The following SLC9A8 variants were observed in gnomAD, a reference collection of about 807,000 sequenced individuals.
SLC9A8 encodes the protein sodium/hydrogen exchanger 8.
SLC9A8 carries 48 observed loss-of-function variants against 66.6 expected under a neutral mutation model. The ratio of observed to expected loss-of-function variants is 0.72; its 90% confidence interval spans 0.57 to 0.92. The LOEUF is 0.92. Ranked by LOEUF, SLC9A8 falls within the 40% of genes least tolerant of loss-of-function variation. The pLI is 0.00. For missense variants in SLC9A8, 599 were observed against 747.3 expected, an observed-to-expected ratio of 0.80 and a Z score of 2.31; for synonymous variants, 274 against 282.6, an observed-to-expected ratio of 0.97 and a Z score of 0.31.
intron 2 of SLC9A8, among the ~76,000 whole-genome samples, chr20:49,820,957 A>C (rs564469805): frequency 6.6e-6 from 1 of 152,126 alleles, no homozygotes; most frequent in Non-Finnish European, 1.5e-5. Flanking sequence ...TTCATGTCCT[A>C]TGCCCGTTTA....
In SLC9A8 at chr20:49,822,972, C is replaced by G; in HGVS notation, c.209-89C>G. 3 of 1,078,210 alleles carry G rather than the reference C, an allele frequency of 2.8e-6. No homozygotes were observed. In the East Asian group the frequency reaches 7.1e-5, roughly 26 times the overall value. 66.8% of individuals were successfully genotyped at this position (1,078,210 alleles called of 1,614,324 possible). ...AATTGTCCATTTCTGTGAGGACCCCCCCAGAAATAACCACTGACTTGAACT... is the reference window on the plus strand; with the variant it reads ...AATTGTCCATTTCTGTGAGGACCCCGCCAGAAATAACCACTGACTTGAACT... On this transcript the variant is annotated intron_variant, in intron 2 of 15. Coordinates refer to ENST00000361573, the MANE Select transcript of SLC9A8 (RefSeq NM_015266.3).
At chr20:49,879,739 T>G (rs924539274) in intron 12 of SLC9A8, among the ~76,000 whole-genome samples, 1 of 151,304 alleles carries the variant, frequency 6.6e-6, no homozygotes, top group Non-Finnish European at 1.5e-5. Flanking sequence ...GCAGGACAAT[T>G]GCTTGAACCC....
At chr20:49,870,296 A>T (rs1480171254) in intron 10 of SLC9A8, among the ~76,000 whole-genome samples, 1 of 152,224 alleles carries the variant, frequency 6.6e-6, no homozygotes, top group Non-Finnish European at 1.5e-5. Flanking sequence ...AGAAATGACA[A>T]GAAGAGAAAT....
intron 10 of SLC9A8, among the ~76,000 whole-genome samples, chr20:49,865,264 C>T (rs1339740799): frequency 1.3e-5 from 2 of 152,114 alleles, no homozygotes; most frequent in African/African-American, 2.4e-5. Flanking sequence ...GTCTTGGAGT[C>T]AAGAACTAGT....
At chr20:49,883,063 T>C (rs980001960) in intron 13 of SLC9A8, among the ~76,000 whole-genome samples, 1 of 128,110 alleles carries the variant, frequency 7.8e-6, no homozygotes, top group African/African-American at 3.0e-5. Flanking sequence ...ACACCCCTTA[T>C]TTGCTGTGCC....
At chr20:49,827,403 G>A (rs931783340) in intron 3 of SLC9A8, among the ~76,000 whole-genome samples, 2 of 151,124 alleles carry the variant, frequency 1.3e-5, no homozygotes, top group African/African-American at 4.9e-5. Flanking sequence ...AAGAGTTCGA[G>A]AACAACCTGG....
intron 5 of SLC9A8, among the ~76,000 whole-genome samples, chr20:49,846,785 G>A (rs1406446173): frequency 3.3e-5 from 5 of 151,960 alleles, no homozygotes; most frequent in African/African-American, 2.4e-5. Context: ...GTGGTGGTGC[G>A]TGCCTGTAAT....
At position 49,886,001 on chromosome 20, in the gene SLC9A8, C is replaced by T. The variant is rs569307644; in HGVS notation, c.1492-751C>T. On this transcript the variant is annotated intron_variant, in intron 14 of 15. Coordinates refer to ENST00000361573, the MANE Select transcript of SLC9A8 (RefSeq NM_015266.3). This position sits in a 1 kb window ranked among gnomAD's most constrained non-coding sequence, Gnocchi z 4.8. Reference sequence around the variant, plus strand: ...CAGTATTTTGTGGTTTCACAGGCCCCCCAGGTAGATTCTAATACAGACCAG... The same window carrying T: ...CAGTATTTTGTGGTTTCACAGGCCCTCCAGGTAGATTCTAATACAGACCAG... Among the ~76,000 whole-genome samples, 2 of 152,332 alleles carry T rather than the reference C, an allele frequency of 1.3e-5. No individual in the cohort carries two copies. The highest frequency in any genetic ancestry group is 1.9e-4 in the East Asian group (1 of 5,186).
At chr20:49,872,392 A>G (rs2089247541) in intron 10 of SLC9A8, among the ~76,000 whole-genome samples, 1 of 151,984 alleles carries the variant, frequency 6.6e-6, no homozygotes, top group South Asian at 2.1e-4. Context: ...TATATTTTGT[A>G]GGGTATTGTG....
chr20:49,840,714 A>G (rs1350246823), intron 4 of SLC9A8, among the ~76,000 whole-genome samples: 11 of 152,210 alleles, frequency 7.2e-5, no homozygotes, highest in Admixed American at 4.6e-4. Flanking sequence ...ACATTTAACC[A>G]CCCAAGAGTG....
At chr20:49,875,192 T>TCA (rs1439957686) in intron 11 of SLC9A8, among the ~76,000 whole-genome samples, 1 of 150,542 alleles carries the variant, frequency 6.6e-6, no homozygotes, top group Non-Finnish European at 1.5e-5. Context: ...GGCATGGGGC[T>TCA]CACACCTGTA....
intron 10 of SLC9A8, among the ~76,000 whole-genome samples, chr20:49,865,699 G>T (rs997425977): frequency 6.6e-6 from 1 of 152,218 alleles, no homozygotes; most frequent in Non-Finnish European, 1.5e-5. Flanking sequence ...GCTTGGCTTA[G>T]TTGGGCTTTC....
intron 5 of SLC9A8, among the ~76,000 whole-genome samples, chr20:49,848,255 C>T (rs866224647): frequency 6.6e-5 from 10 of 151,988 alleles, no homozygotes; most frequent in African/African-American, 1.5e-4. Context: ...AAGAAAACAG[C>T]GATTTGCAAA....
intron 3 of SLC9A8, 22 bp downstream of exon 3, chr20:49,823,163 C>T (rs1002826544): frequency 8.9e-6 from 14 of 1,575,592 alleles, no homozygotes; most frequent in Non-Finnish European, 1.1e-5. Flanking sequence ...TTGGTGATTC[C>T]ATAATAAAAG....
chr20:49,855,624 A>G (rs757086192), intron 8 of SLC9A8, 43 bp downstream of exon 8: 12 of 1,589,396 alleles, frequency 7.6e-6, no homozygotes, highest in Non-Finnish European at 1.0e-5. Context: ...ATGTGACAGA[A>G]CTAAAGGTCC....
intron 2 of SLC9A8, 98 bp downstream of exon 2, chr20:49,815,287 TC>T: frequency 9.3e-7 from 1 of 1,072,826 alleles, no homozygotes; most frequent in Non-Finnish European, 1.3e-6. Flanking sequence ...TGTCAAGTCT[TC>T]CTCCCATTTG....
chr20:49,882,175 G>A (rs1029430597), intron 13 of SLC9A8, among the ~76,000 whole-genome samples: 17 of 152,016 alleles, frequency 1.1e-4, no homozygotes, highest in South Asian at 2.1e-4. Flanking sequence ...CATGTCCCCC[G>A]CAGCTGTGTC....
In SLC9A8 at chr20:49,886,642, T is replaced by C; in HGVS notation, c.1492-110T>C. ...CCGTCACCCTGCATTGATGGTCAAG[T>C]GGAGTTAGGGTTGGGGACACTGGCG... On this transcript the variant is annotated intron_variant, in intron 14 of 15. Transcript: ENST00000361573. The surrounding 1 kb of genome is among the most constrained non-coding windows in gnomAD (Gnocchi z 4.8). 1.6e-6 allele frequency: 2 copies of C among 1,281,498 alleles called. No individual in the cohort carries two copies. The highest frequency in any genetic ancestry group is 2.2e-5 in the Admixed American group (1 of 45,472). 79.4% of individuals were successfully genotyped at this position (1,281,498 alleles called of 1,614,324 possible). A position where few individuals can be genotyped will look rare whatever the true frequency, so the allele number is the denominator to read the frequency against.
rs1555848454 is a variant in SLC9A8 at position 49,884,337 on chromosome 20, C to CACACACACACACACACA, written c.1491+271_1491+272insACACACACACACACACA. Among the ~76,000 whole-genome samples, 44 of 72,304 alleles carry CACACACACACACACACA rather than the reference C, an allele frequency of 6.1e-4. 2 individuals are homozygous for CACACACACACACACACA. The highest frequency in any genetic ancestry group is 1.2e-3 in the African/African-American group (20 of 17,136). The allele number at this position is 72,304 out of a possible 152,430, so 47.4% of individuals were successfully genotyped here. On this transcript the variant is annotated intron_variant, in intron 14 of 15. Transcript: ENST00000361573. ...ACACACACACACACACACACACACA[C>CACACACACACACACACA]CCCCCGGTCATCCCCCCTGAGAAGG...
Sources: gnomAD v4.1 joint callset for allele counts (sites outside exome capture counted in the v4.1 genomes callset) on GRCh38, gnomAD v4.1.1 for gene constraint, Gnocchi (gnomAD v3.1) non-coding constraint, MANE v1.5 for transcripts, NCBI Gene and HGNC (gene_info 2026-07-23, HGNC 2026-07-21) for gene names.